UNC13B: variants seen among roughly 807,000 people sequenced by gnomAD.
UNC13B encodes protein unc-13 homolog B.
UNC13B carries 144 observed loss-of-function variants against 211.0 expected under a neutral mutation model. The ratio of observed to expected loss-of-function variants is 0.68; its 90% CI spans 0.60 to 0.78. The LOEUF is 0.78. Among genes scored for constraint, UNC13B ranks in the 30% least tolerant of loss-of-function variants. The pLI, the probability that UNC13B is intolerant of heterozygous loss-of-function variation, is 0.00. For synonymous variants in UNC13B, 709 were observed against 725.8 expected, an observed-to-expected ratio of 0.98 and a Z score of 0.37; for missense variants, 1,777 against 2,002.0, an observed-to-expected ratio of 0.89 and a Z score of 2.14.
Position 35,377,441 on chromosome 9 carries a change from AC to A in UNC13B, c.9836-25del, listed in dbSNP as rs1291241841. On this transcript the variant is annotated intron_variant, in intron 15 of 39. Coordinates refer to ENST00000635942, the MANE Select transcript of UNC13B (RefSeq NM_001371189.2). ...AGCTCAACCCTTGGTCTGGTAGGTG[AC>A]CTGTTGTGTTCCTGGCCACCTTCAG... 4 of 1,610,766 alleles carry A rather than the reference AC, an allele frequency of 2.5e-6. No homozygotes were observed. The East Asian group carries it at 8.9e-5, about 36-fold the overall frequency.
rs180707676 is a variant in UNC13B, at chr9:35,201,014, G to A, written c.23-27001G>A. Reference sequence around the variant, plus strand: ...TATTATTTTGAGATATGTCCCATCAGTACCTAATTTATTGAGAGTTTTTAG... The same window carrying A: ...TATTATTTTGAGATATGTCCCATCAATACCTAATTTATTGAGAGTTTTTAG... On this transcript the variant is annotated intron_variant, in intron 1 of 39. Coordinates refer to ENST00000635942, the MANE Select transcript of UNC13B (RefSeq NM_001371189.2). Among the ~76,000 whole-genome samples the A allele has an allele frequency of 3.7e-3, 566 of 152,180 alleles. 3 individuals carry two copies. The highest frequency in any genetic ancestry group is 0.013 in the African/African-American group (540 of 41,516).
At chr9:35,341,011 C>T (rs1831959227) in intron 11 of UNC13B, among the ~76,000 whole-genome samples, 1 of 152,132 alleles carries the variant, frequency 6.6e-6, no homozygotes, top group African/African-American at 2.4e-5. Flanking sequence ...GAATTAGGGT[C>T]ACATGAGAGC....
At chr9:35,374,978 C>T (rs1162212663) in intron 13 of UNC13B, 149 bp from the exon 14 acceptor site, 3 of 779,592 alleles carry the variant, frequency 3.8e-6, no homozygotes, top group African/African-American at 3.4e-5. Flanking sequence ...ACACTTGTCA[C>T]CTGTTAGGGC....
intron 21 of UNC13B, among the ~76,000 whole-genome samples, chr9:35,383,744 G>T (rs1835004871): frequency 6.6e-6 from 1 of 152,048 alleles, no homozygotes; most frequent in African/African-American, 2.4e-5. Flanking sequence ...TTTAAAGAGA[G>T]ACCCCTTCCT....
chr9:35,353,758 G>A (rs1007411653), intron 11 of UNC13B: 1 of 1,231,948 alleles, frequency 8.1e-7, no homozygotes, highest in Non-Finnish European at 1.0e-6. Context: ...AAAAACTTCT[G>A]CATGAGCTAG....
chr9:35,230,470 CAA>C (rs765330072), intron 2 of UNC13B, among the ~76,000 whole-genome samples: 24 of 50,336 alleles, frequency 4.8e-4, no homozygotes, highest in Admixed American at 9.6e-4. Flanking sequence ...GACTCTGTCT[CAA>C]AAAAAAAAAA....
At chr9:35,321,740 A>G (rs1345965724) in intron 11 of UNC13B, among the ~76,000 whole-genome samples, 1 of 152,094 alleles carries the variant, frequency 6.6e-6, no homozygotes, top group African/African-American at 2.4e-5. Flanking sequence ...GCCTCAGGTG[A>G]TCGTCCTGTC....
intron 1 of UNC13B, among the ~76,000 whole-genome samples, chr9:35,206,593 G>A (rs573931994): frequency 5.3e-5 from 8 of 151,494 alleles, no homozygotes; most frequent in African/African-American, 1.9e-4. Flanking sequence ...AGTGTAGGCC[G>A]GGTGTGGCAC....
intron 7 of UNC13B, among the ~76,000 whole-genome samples, chr9:35,276,440 C>T (rs1828182253): frequency 6.6e-6 from 1 of 152,002 alleles, no homozygotes; most frequent in African/African-American, 2.4e-5. Flanking sequence ...CTGCACTCAC[C>T]CTCCTAGAAT....
chr9:35,249,725 C>A (rs1234910254), intron 6 of UNC13B, among the ~76,000 whole-genome samples: 1 of 152,238 alleles, frequency 6.6e-6, no homozygotes. Flanking sequence ...GAGAGATCCA[C>A]TGTTAGTCTG....
Position 35,310,446 on chromosome 9 carries a change from GTCTT to G in UNC13B, c.9009-17_9009-14del. ...CCTGATTGCATTTATTTACTTATCT[GTCTT>G]TCTGTCATTCTCACAGCCCCACCAG... On this transcript the variant is annotated splice_polypyrimidine_tract_variant and intron_variant, in intron 9 of 39. Transcript: ENST00000635942. 2 of 1,609,008 alleles carry G rather than the reference GTCTT, an allele frequency of 1.2e-6. No homozygotes were observed. Among genetic ancestry groups the G allele is most frequent in the Middle Eastern group, 1.7e-4 (1 of 6,044 alleles).
intron 5 of UNC13B, among the ~76,000 whole-genome samples, chr9:35,241,388 G>C (rs867154891): frequency 6.6e-6 from 1 of 152,048 alleles, no homozygotes; most frequent in Non-Finnish European, 1.5e-5. Context: ...GTATCTCTCT[G>C]TATTTTTTTC....
chr9:35,344,272 TTC>T, intron 11 of UNC13B, among the ~76,000 whole-genome samples: 1 of 152,324 alleles, frequency 6.6e-6, no homozygotes, highest in Non-Finnish European at 1.5e-5. Flanking sequence ...TTTTTCTTTT[TTC>T]TTTTTTTGTC....
chr9:35,381,222 C>T lies in UNC13B; in HGVS notation c.10491+7C>T. On this transcript the variant is annotated splice_region_variant and intron_variant, in intron 19 of 39. Transcript: ENST00000635942. ...GTATACATGTCTCCATGAGGTGAGC[C>T]AGCCCTTGGTAGGTGGGGGATCAGA... 1 of 1,610,492 alleles carries T rather than the reference C, an allele frequency of 6.2e-7. No individual in the cohort carries two copies. Among genetic ancestry groups the T allele is most frequent in the Admixed American group, 1.7e-5 (1 of 59,836 alleles).
Position 35,399,141 on chromosome 9 carries a change from C to T in UNC13B, c.12075-20C>T, listed in dbSNP as rs1564199553. The T allele has an allele frequency of 2.4e-5, 39 of 1,614,152 alleles. No homozygotes were observed. The highest frequency in any genetic ancestry group is 3.3e-5 in the Non-Finnish European group (39 of 1,180,018). On this transcript the variant is annotated intron_variant, in intron 33 of 39. Coordinates refer to ENST00000635942, the MANE Select transcript of UNC13B (RefSeq NM_001371189.2). ...TTCTCAAACTCTCACCCTGGTCTCA[C>T]CTGTTGCCTGGACTTGCAGCCTCAC... is the stretch of plus-strand genomic sequence containing the variant.
chr9:35,312,416 C>T (rs1050466777), intron 10 of UNC13B, among the ~76,000 whole-genome samples: 1 of 152,188 alleles, frequency 6.6e-6, no homozygotes, highest in African/African-American at 2.4e-5. Context: ...GACCAGGCTT[C>T]TTATTGGGTT....
Position 35,306,642 on chromosome 9 carries a change from C to T in UNC13B, c.7238C>T (p.Ala2413Val), listed in dbSNP as rs1829937911. 1 of 399,004 alleles carries T rather than the reference C, an allele frequency of 2.5e-6. No individual in the cohort carries two copies. 24.7% of individuals were successfully genotyped at this position (399,004 alleles called of 1,614,324 possible). Reference protein sequence around the residue: ...TDPVNLPLEKAPDEVLPQILE... With the variant: ...TDPVNLPLEKVPDEVLPQILE... ...CCAGTGAACTTGCCATTAGAAAAGGCCCCCGATGAGGTCTTACCACAGATC... is the reference window on the plus strand; with the variant it reads ...CCAGTGAACTTGCCATTAGAAAAGGTCCCCGATGAGGTCTTACCACAGATC... Residue 2413 changes from alanine to valine, a missense_variant, in exon 9 of 40, where the codon GCC becomes GTC. Physicochemically the swap from Ala to Val is moderately conservative, Grantham distance 64. Transcript: ENST00000635942.
chr9:35,227,892 TCCAGG>T, intron 1 of UNC13B, 118 bp from the exon 2 acceptor site: 1 of 733,948 alleles, frequency 1.4e-6, no homozygotes, highest in Non-Finnish European at 2.1e-6. Context: ...GCTTTTTTTC[TCCAGG>T]TTTAGATTTA....
chr9:35,369,480 C>T (rs1833981991), intron 12 of UNC13B, among the ~76,000 whole-genome samples: 1 of 152,122 alleles, frequency 6.6e-6, no homozygotes, highest in South Asian at 2.1e-4. Context: ...AGTGTAGTTT[C>T]TTTTGGGTAC....
Sources: allele counts gnomAD v4.1 joint callset (sites outside exome capture counted in the v4.1 genomes callset), GRCh38; gene constraint gnomAD v4.1.1; transcripts MANE v1.5; gene names NCBI Gene and HGNC (gene_info 2026-07-23, HGNC 2026-07-21).